The following MYH11 variants were observed in gnomAD, a reference collection of about 807,000 sequenced individuals.
MYH11 encodes the protein myosin-11.
MYH11 carries 80 observed loss-of-function variants against 246.6 expected under a neutral mutation model. The ratio of observed to expected loss-of-function variants is 0.32; its 90% CI spans 0.27 to 0.39. MYH11 has a LOEUF of 0.39. Among genes scored for constraint, MYH11 ranks in the 10% least tolerant of loss-of-function variants. The pLI is 1.00. For synonymous variants in MYH11, 1,071 were observed against 1,015.5 expected, an observed-to-expected ratio of 1.05 and a Z score of -1.04; for missense variants, 2,158 against 2,546.8, an observed-to-expected ratio of 0.85 and a Z score of 3.29.
At chr16:15,759,457 A>G in intron 12 of MYH11, 119 bp downstream of exon 12, 1 of 1,307,846 alleles carries the variant, frequency 7.6e-7, no homozygotes, top group Non-Finnish European at 1.1e-6. Context: ...CCTTAACTAG[A>G]CAGCCTCCTA....
intron 3 of MYH11, among the ~76,000 whole-genome samples, chr16:15,798,991 T>G (rs1462259464): frequency 1.3e-5 from 2 of 152,168 alleles, no homozygotes. Context: ...CCACCCAGAT[T>G]AGGTTAGGGA....
At chr16:15,721,765 A>T in intron 31 of MYH11, 131 bp from the exon 32 acceptor site, 1 of 887,156 alleles carries the variant, frequency 1.1e-6, no homozygotes, top group Admixed American at 2.1e-5. Context: ...TAGGTTAGCT[A>T]TGGGAGTAAT....
chr16:15,795,438 C>G (rs1365464001), intron 4 of MYH11, among the ~76,000 whole-genome samples: 1 of 152,036 alleles, frequency 6.6e-6, no homozygotes, highest in Non-Finnish European at 1.5e-5. Context: ...ATGACAAAAC[C>G]CTGTCTCTAC....
At chr16:15,728,275 G>A (rs1300275851) in intron 27 of MYH11, among the ~76,000 whole-genome samples, 1 of 152,056 alleles carries the variant, frequency 6.6e-6, no homozygotes, top group African/African-American at 2.4e-5. Context: ...CTGTGGTGGT[G>A]GTAGTTACAC....
chr16:15,841,191 G>T (rs215580), intron 1 of MYH11, among the ~76,000 whole-genome samples: 150,848 of 152,352 alleles, frequency 0.99, 74,686 homozygotes, highest in East Asian at 1. Flanking sequence ...TATGCTGGAG[G>T]GCAGTGGTGC....
chr16:15,772,343 T>G (rs564449367), intron 8 of MYH11, among the ~76,000 whole-genome samples: 2 of 152,162 alleles, frequency 1.3e-5, no homozygotes, highest in East Asian at 3.9e-4. Flanking sequence ...CCACCCACCT[T>G]GGCCTCTCAA....
rs376339671 is a variant in MYH11 at position 15,735,344 on chromosome 16, G to T, written c.3506+22C>A. The T allele has an allele frequency of 1.2e-4, 193 of 1,612,052 alleles. 1 individual carries two copies. The highest frequency in any genetic ancestry group is 1.6e-4 in the Non-Finnish European group (183 of 1,179,204). On this transcript the variant is annotated intron_variant, in intron 26 of 40. Coordinates refer to ENST00000300036, the MANE Select transcript of MYH11 (RefSeq NM_002474.3). ...ATTGGTGCAGTGGGATAGCAGGATGGTGGGATTGATGGGCCCCTCACCTGA... is the reference window on the plus strand; with the variant it reads ...ATTGGTGCAGTGGGATAGCAGGATGTTGGGATTGATGGGCCCCTCACCTGA...
intron 8 of MYH11, among the ~76,000 whole-genome samples, chr16:15,772,360 G>A (rs1351811024): frequency 6.6e-6 from 1 of 151,964 alleles, no homozygotes; most frequent in African/African-American, 2.4e-5. Context: ...TCAAAGTTCT[G>A]GGATTACAGA....
chr16:15,756,615 ATC>A (rs1433512131), intron 13 of MYH11, 101 bp from the exon 14 acceptor site: 464 of 1,197,944 alleles, frequency 3.9e-4, no homozygotes, highest in Non-Finnish European at 5.2e-4. Context: ...ATCCGCCGAG[ATC>A]TGATACTGTA....
chr16:15,703,420 T>C lies in MYH11; in HGVS notation c.*571A>G, dbSNP rs1213860552. On this transcript the variant is annotated 3_prime_UTR_variant, in exon 41 of 41. Transcript: ENST00000300036. ...TCGGTGACTTTCTCCCCATTTCATG[T>C]AAACAGAATTGCCAGGGACCGGTTA... 1 of 238,880 alleles carries C rather than the reference T, an allele frequency of 4.2e-6. No individual in the cohort carries two copies. The highest frequency in any genetic ancestry group is 8.3e-6 in the Non-Finnish European group (1 of 120,958). 14.8% of individuals were successfully genotyped at this position (238,880 alleles called of 1,614,324 possible).
intron 2 of MYH11, among the ~76,000 whole-genome samples, chr16:15,834,072 C>T (rs975190587): frequency 1.3e-5 from 2 of 151,150 alleles, no homozygotes; most frequent in African/African-American, 4.9e-5. Context: ...TTCATATGCC[C>T]TTTTTTTTTC....
chr16:15,751,336 T>A (rs2041565185), intron 15 of MYH11, among the ~76,000 whole-genome samples: 1 of 151,708 alleles, frequency 6.6e-6, no homozygotes, highest in African/African-American at 2.4e-5. Flanking sequence ...ATTTTTTTTA[T>A]ATTTTTAGTA....
intron 3 of MYH11, among the ~76,000 whole-genome samples, chr16:15,802,891 C>A (rs977983852): frequency 1.1e-4 from 16 of 152,186 alleles, no homozygotes; most frequent in Non-Finnish European, 2.4e-4. Flanking sequence ...TGGCTCACAC[C>A]TGTAATCCCA....
intron 20 of MYH11, 155 bp from the exon 21 acceptor site, chr16:15,742,046 G>T: frequency 8.3e-7 from 1 of 1,203,214 alleles, no homozygotes; most frequent in Non-Finnish European, 1.2e-6. Context: ...TGTCACAGCT[G>T]GGGTGGGGGG....
In MYH11 at chr16:15,851,323, C is replaced by A. The variant is rs368280472; in HGVS notation, c.-18+5618G>T. ...CATAACAGCCACTGTATTTATTGGG[C>A]CCCTTGTATTCATCAGGTATCAGGC... On this transcript the variant is annotated intron_variant, in intron 1 of 40. Transcript: ENST00000300036. Among the ~76,000 whole-genome samples, 29 of 152,192 alleles carry A rather than the reference C, an allele frequency of 1.9e-4. 1 individual carries two copies. In the South Asian group the frequency reaches 6.0e-3, roughly 32 times the overall value.
intron 8 of MYH11, among the ~76,000 whole-genome samples, chr16:15,773,927 A>G (rs1430279346): frequency 1.3e-5 from 2 of 151,960 alleles, no homozygotes; most frequent in East Asian, 3.9e-4. Flanking sequence ...CCAACTTTAT[A>G]ATTGCCTTTC....
chr16:15,850,814 G>A (rs2044311106), intron 1 of MYH11, among the ~76,000 whole-genome samples: 1 of 152,186 alleles, frequency 6.6e-6, no homozygotes, highest in Non-Finnish European at 1.5e-5. Flanking sequence ...AAGATCGCTT[G>A]AGCCTGGGAG....
Position 15,703,771 on chromosome 16 carries a change from A to G in MYH11, c.*220T>C, listed in dbSNP as rs1290198032. 3 of 616,046 alleles carry G rather than the reference A, an allele frequency of 4.9e-6. No homozygotes were observed. Among genetic ancestry groups the G allele is most frequent in the Non-Finnish European group, 8.6e-6 (3 of 348,798 alleles). The allele number at this position is 616,046 out of a possible 1,614,324, so 38.2% of individuals were successfully genotyped here. ...GCCCAGCTTATTTTTAAATTCTTGT[A>G]TAGATGAGGTTTTACTACGTTGCCC... On this transcript the variant is annotated 3_prime_UTR_variant, in exon 41 of 41. Transcript: ENST00000300036.
intron 4 of MYH11, among the ~76,000 whole-genome samples, 187 bp from the exon 5 acceptor site, chr16:15,786,919 A>C (rs2042483769): frequency 6.6e-6 from 1 of 152,222 alleles, no homozygotes; most frequent in East Asian, 1.9e-4. Context: ...TCCCCAGCCT[A>C]GGTCCAATGC....
Sources: allele counts gnomAD v4.1 joint callset (sites outside exome capture counted in the v4.1 genomes callset), GRCh38; gene constraint gnomAD v4.1.1; transcripts MANE v1.5; gene names NCBI Gene and HGNC (gene_info 2026-07-23, HGNC 2026-07-21).